The following TTLL5 variants were observed in gnomAD, a reference collection of about 807,000 sequenced individuals.
TTLL5 encodes the protein tubulin polyglutamylase TTLL5.
Under a neutral mutation model 168.4 loss-of-function variants are expected in TTLL5, and 132 were observed. The observed-to-expected ratio is 0.78, with a 90% CI of 0.68 to 0.91. The LOEUF (loss-of-function observed/expected upper bound fraction) is 0.91, where lower values mean the gene tolerates loss of function less well. TTLL5 is among the 40% of genes least tolerant of loss of function. The probability of loss-of-function intolerance (pLI) is 0.00; values close to 1 mark genes in which losing one functional copy is unlikely to be tolerated. For synonymous variants in TTLL5, 546 were observed against 558.6 expected (o/e 0.98, Z 0.32); for missense variants, 1,545 against 1,581.5 (o/e 0.98, Z 0.39).
At chr14:75,663,381 C>T (rs1359692313) in intron 2 of TTLL5, among the ~76,000 whole-genome samples, 158 bp downstream of exon 2, 1 of 152,116 alleles carries the variant, frequency 6.6e-6, no homozygotes, top group Non-Finnish European at 1.5e-5. Context: ...TAGCTTCTAT[C>T]CATAATGTCA....
chr14:75,811,156 A>T (rs146436643), intron 27 of TTLL5, among the ~76,000 whole-genome samples: 5 of 116,626 alleles, frequency 4.3e-5, no homozygotes, highest in South Asian at 3.1e-4. Context: ...TGAAAGAAAG[A>T]GTGTGTGTGT....
At chr14:75,737,590 T>A (rs1259467397) in intron 15 of TTLL5, 1 of 1,535,828 alleles carries the variant, frequency 6.5e-7, no homozygotes, top group South Asian at 1.2e-5. Context: ...ACAGTTTCAG[T>A]CGTCAAAGGC....
chr14:75,813,752 T>C (rs1894209531), intron 27 of TTLL5, among the ~76,000 whole-genome samples: 1 of 151,876 alleles, frequency 6.6e-6, no homozygotes, highest in African/African-American at 2.4e-5. Flanking sequence ...CTTATGTGTA[T>C]ATACTTGTGT....
At chr14:75,888,835 G>A (rs2359985) in intron 30 of TTLL5, among the ~76,000 whole-genome samples, 2,249 of 151,970 alleles carry the variant, frequency 0.015, 32 homozygotes, top group Middle Eastern at 0.024. Context: ...CTCAGGAGGC[G>A]GAGGCTGGAG....
chr14:75,898,631 G>A (rs1231417715), intron 30 of TTLL5, among the ~76,000 whole-genome samples: 1 of 152,208 alleles, frequency 6.6e-6, no homozygotes, highest in East Asian at 1.9e-4. Context: ...GACAGAGTAA[G>A]ACCCTGTCTC....
chr14:75,681,544 G>T lies in TTLL5; in HGVS notation c.182-1G>T, dbSNP rs1425957060. 2.5e-6 allele frequency: 4 copies of T among 1,612,000 alleles called. No individual in the cohort carries two copies. The highest frequency in any genetic ancestry group is 8.5e-7 in the Non-Finnish European group (1 of 1,179,440). ...CTGAACTTGATTCTGTTTTTCTTTA[G>T]AACGTTATCATTTGTCTTATAAGAT... On this transcript the variant is annotated splice_acceptor_variant, in intron 3 of 31. Transcript: ENST00000298832. LOFTEE classifies it high-confidence loss of function.
chr14:75,939,627 G>A (rs1373740357), intron 31 of TTLL5, among the ~76,000 whole-genome samples: 2 of 151,988 alleles, frequency 1.3e-5, no homozygotes, highest in African/African-American at 4.8e-5. Context: ...GGGTTCAAGC[G>A]ATCCTCCTGC....
intron 21 of TTLL5, among the ~76,000 whole-genome samples, chr14:75,772,855 C>A (rs1016326470): frequency 6.6e-6 from 1 of 151,906 alleles, no homozygotes; most frequent in African/African-American, 2.4e-5. Context: ...TAAGTAGTGA[C>A]GGGGTTTTTC....
intron 29 of TTLL5, among the ~76,000 whole-genome samples, chr14:75,870,549 G>A (rs986682411): frequency 6.6e-6 from 1 of 152,166 alleles, no homozygotes; most frequent in Non-Finnish European, 1.5e-5. Flanking sequence ...GTATCCTGAC[G>A]TTTGTTCTAG....
At chr14:75,756,276 C>T (rs1566589994) in intron 18 of TTLL5, among the ~76,000 whole-genome samples, 2 of 152,046 alleles carry the variant, frequency 1.3e-5, no homozygotes, top group South Asian at 2.1e-4. Flanking sequence ...AAAATCAAAA[C>T]ATGTTATGTG....
chr14:75,747,582 T>C (rs1889690107), intron 17 of TTLL5, among the ~76,000 whole-genome samples: 1 of 152,124 alleles, frequency 6.6e-6, no homozygotes, highest in Admixed American at 6.5e-5. Context: ...TAGATCAGCT[T>C]ATCTTTTTCA....
intron 27 of TTLL5, among the ~76,000 whole-genome samples, chr14:75,794,642 G>A (rs549186955): frequency 2.6e-5 from 4 of 152,216 alleles, no homozygotes; most frequent in South Asian, 2.1e-4. Flanking sequence ...CAGTGCCAGC[G>A]AATTAAAAGT....
At chr14:75,681,157 C>T (rs1489378101) in intron 3 of TTLL5, among the ~76,000 whole-genome samples, 2 of 151,962 alleles carry the variant, frequency 1.3e-5, no homozygotes, top group Non-Finnish European at 2.9e-5. Flanking sequence ...CTATTAACTA[C>T]TATAATCTTT....
intron 21 of TTLL5, 30 bp from the exon 22 acceptor site, chr14:75,775,454 T>C: frequency 6.2e-7 from 1 of 1,610,658 alleles, no homozygotes; most frequent in Non-Finnish European, 8.5e-7. Flanking sequence ...TCCCTCCTTT[T>C]TTTTTCTCCC....
intron 18 of TTLL5, among the ~76,000 whole-genome samples, chr14:75,760,169 C>T (rs570877776): frequency 3.0e-4 from 45 of 151,920 alleles, no homozygotes; most frequent in Non-Finnish European, 5.9e-4. Flanking sequence ...GATCGACATA[C>T]TAAAATCGAT....
chr14:75,750,614 TA>T (rs1369357961), intron 17 of TTLL5, among the ~76,000 whole-genome samples: 1 of 152,004 alleles, frequency 6.6e-6, no homozygotes, highest in Non-Finnish European at 1.5e-5. Flanking sequence ...AGGCTTCTGG[TA>T]AACAGTAGGC....
chr14:75,851,580 G>T (rs1896857609), intron 28 of TTLL5, among the ~76,000 whole-genome samples: 1 of 152,138 alleles, frequency 6.6e-6, no homozygotes, highest in South Asian at 2.1e-4. Flanking sequence ...GAGCCACTCT[G>T]CCCAGAATTA....
rs201360719 is a variant in TTLL5, at chr14:75,720,676, T to G, written c.1015T>G (p.Phe339Val). Residue 339 changes from phenylalanine (F) to valine (V), a missense_variant, in exon 12 of 32, where the codon TTT (phenylalanine) becomes GTT (valine). By Grantham distance (50) the Phe-to-Val change is conservative. Coordinates refer to ENST00000298832, the MANE Select transcript of TTLL5 (RefSeq NM_015072.5). ...AGCTATTGCTACTGCCTGTAAAACC[T>G]TTGTTCCTCATCGCAGCAGTTGTTT... Reference protein sequence around the residue: ...ELAIATACKTFVPHRSSCFEL... With the variant: ...ELAIATACKTVVPHRSSCFEL... 2.5e-6 allele frequency: 4 copies of G among 1,613,550 alleles called. No homozygotes were observed. The Admixed American group carries it at 6.7e-5, about 27-fold the overall frequency.
intron 20 of TTLL5, among the ~76,000 whole-genome samples, chr14:75,769,947 G>T (rs2140305512): frequency 6.6e-6 from 1 of 152,184 alleles, no homozygotes; most frequent in South Asian, 2.1e-4. Context: ...GGGAGGCTGA[G>T]GTGGGTGGAT....
Sources: gnomAD v4.1 joint callset for allele counts (sites outside exome capture counted in the v4.1 genomes callset) on GRCh38, gnomAD v4.1.1 for gene constraint, MANE v1.5 for transcripts, NCBI Gene and HGNC (gene_info 2026-07-23, HGNC 2026-07-21) for gene names.